Variants in VPS36 observed in about 807,000 individuals in gnomAD.
The protein encoded by VPS36 is vacuolar protein-sorting-associated protein 36.
Under a neutral mutation model 63.5 loss-of-function variants are expected in VPS36, and 31 were observed. The observed-to-expected ratio is 0.49, with a 90% CI of 0.37 to 0.66. VPS36 has a LOEUF of 0.66. VPS36 is among the 30% of genes least tolerant of loss of function. The probability of loss-of-function intolerance (pLI) is 0.00; values close to 1 mark genes in which losing one functional copy is unlikely to be tolerated. For synonymous variants in VPS36, 138 were observed against 157.2 expected (o/e 0.88, Z 0.91); for missense variants, 338 against 463.7 (o/e 0.73, Z 2.49).
chr13:52,430,775 C>T (rs1958146697), intron 6 of VPS36, among the ~76,000 whole-genome samples: 1 of 151,894 alleles, frequency 6.6e-6, no homozygotes, highest in Non-Finnish European at 1.5e-5. Flanking sequence ...AGTAAAATTA[C>T]TGGGCTTTAA....
intron 8 of VPS36, among the ~76,000 whole-genome samples, chr13:52,426,377 G>A (rs1286666256): frequency 6.6e-6 from 1 of 152,186 alleles, no homozygotes; most frequent in East Asian, 1.9e-4. Flanking sequence ...GAAAATGGCT[G>A]TGATTAGACT....
At chr13:52,421,401 G>T (rs1958044511) in intron 10 of VPS36, among the ~76,000 whole-genome samples, 1 of 151,892 alleles carries the variant, frequency 6.6e-6, no homozygotes, top group African/African-American at 2.4e-5. Flanking sequence ...GAGAGAGGTT[G>T]GTCAGCAGAT....
In VPS36 at chr13:52,450,544, C is replaced by G. The variant is rs1389094185; in HGVS notation, c.51G>C (p.Leu17=). 1.9e-6 allele frequency: 3 copies of G among 1,596,028 alleles called. No individual in the cohort carries two copies. The highest frequency in any genetic ancestry group is 2.6e-6 in the Non-Finnish European group (3 of 1,171,508). The change falls in exon 1 of 14, where the codon CTG becomes CTC. Residue 17 remains leucine, a synonymous_variant. Transcript: ENST00000378060. ...TSGLLEINET[L]VIQQRGVRIY... ...TTCGCACCCCGCGCTGCTGGATCACCAGGGTCTCGTTGATCTCCAGGAGGC... is the reference window on the plus strand; with the variant it reads ...TTCGCACCCCGCGCTGCTGGATCACGAGGGTCTCGTTGATCTCCAGGAGGC...
intron 10 of VPS36, among the ~76,000 whole-genome samples, chr13:52,423,215 C>T (rs921467854): frequency 1.3e-5 from 2 of 152,112 alleles, no homozygotes; most frequent in Non-Finnish European, 2.9e-5. Context: ...GATCATTATG[C>T]AGTGTTTACA....
intron 2 of VPS36, among the ~76,000 whole-genome samples, chr13:52,439,539 G>A (rs1958253064): frequency 6.6e-6 from 1 of 151,896 alleles, no homozygotes; most frequent in Non-Finnish European, 1.5e-5. Context: ...TCTGCCTCCT[G>A]GGTTAACACC....
chr13:52,425,855 T>C, intron 9 of VPS36, 77 bp downstream of exon 9: 6 of 1,425,182 alleles, frequency 4.2e-6, no homozygotes, highest in Non-Finnish European at 5.6e-6. Context: ...AAAATAGTTA[T>C]GCTCTTGTTA....
chr13:52,449,779 C>A (rs1368987675), intron 1 of VPS36, among the ~76,000 whole-genome samples: 1 of 152,226 alleles, frequency 6.6e-6, no homozygotes, highest in African/African-American at 2.4e-5. Flanking sequence ...TGCAAACGCA[C>A]CTTCTAAGAT....
chr13:52,450,076 G>A (rs1958385696), intron 1 of VPS36: 1 of 988,596 alleles, frequency 1.0e-6, no homozygotes, highest in African/African-American at 1.7e-5. Flanking sequence ...GGCGAAACGG[G>A]GCTGTCCGGT....
intron 9 of VPS36, among the ~76,000 whole-genome samples, chr13:52,425,088 A>G (rs1381893657): frequency 1.3e-5 from 2 of 151,534 alleles, no homozygotes; most frequent in East Asian, 3.9e-4. Flanking sequence ...CTCTACTAAA[A>G]ATACAAAAAA....
chr13:52,429,438 C>A, intron 6 of VPS36: 1 of 269,162 alleles, frequency 3.7e-6, no homozygotes, highest in Non-Finnish European at 5.7e-6. Context: ...GTGACCTCAA[C>A]AGAAGTTAGG....
chr13:52,448,689 T>C (rs1272310281), intron 1 of VPS36, among the ~76,000 whole-genome samples: 2 of 152,262 alleles, frequency 1.3e-5, no homozygotes, highest in African/African-American at 4.8e-5. Flanking sequence ...AAACTACTAA[T>C]GGTTGTTATT....
In VPS36 at chr13:52,414,281, A is replaced by G. The variant is rs1029741943; in HGVS notation, c.*1549T>C. On this transcript the variant is annotated 3_prime_UTR_variant, in exon 14 of 14. Transcript: ENST00000378060. ...TACAAACAAGCTTACACAATGGTCC[A>G]ACTAACCCCTAAAAGACTTGGGCAG... 2 of 152,254 alleles carry G rather than the reference A, an allele frequency of 1.3e-5. No homozygotes were observed. Among genetic ancestry groups the G allele is most frequent in the African/African-American group, 4.8e-5 (2 of 41,450 alleles). The allele number at this position is 152,254 out of a possible 1,614,324, so 9.4% of individuals were successfully genotyped here.
chr13:52,421,328 T>C (rs1958043595), intron 10 of VPS36, among the ~76,000 whole-genome samples: 1 of 151,854 alleles, frequency 6.6e-6, no homozygotes, highest in African/African-American at 2.4e-5. Context: ...GTTGATCTCA[T>C]AGAAGTAGAG....
At chr13:52,439,887 T>G (rs548109410) in intron 2 of VPS36, among the ~76,000 whole-genome samples, 1 of 152,258 alleles carries the variant, frequency 6.6e-6, no homozygotes, top group Non-Finnish European at 1.5e-5. Context: ...TTCTCTTCTT[T>G]ATAATTTTCC....
At chr13:52,438,404 C>A (rs1164968770) in intron 3 of VPS36, among the ~76,000 whole-genome samples, 1 of 152,146 alleles carries the variant, frequency 6.6e-6, no homozygotes, top group Non-Finnish European at 1.5e-5. Context: ...ATGATCAAGG[C>A]ATGCATTGCA....
At position 52,423,747 on chromosome 13, in the gene VPS36, TAAG is replaced by T. The variant is rs370821789; in HGVS notation, c.775-111_775-109del. ...TGAAATCAGAAATCAGAAAAATTTT[TAAG>T]AAGCTTATAAAAAACTTTATTTATA... On this transcript the variant is annotated intron_variant, in intron 9 of 13. Transcript: ENST00000378060. The T allele has an allele frequency of 1.3e-3, 1,264 of 1,006,510 alleles. 4 individuals carry two copies. Among genetic ancestry groups the T allele is most frequent in the Non-Finnish European group, 1.6e-3 (1,133 of 690,924 alleles). 62.3% of individuals were successfully genotyped at this position (1,006,510 alleles called of 1,614,324 possible). A position where few individuals can be genotyped will look rare whatever the true frequency, so the allele number is the denominator to read the frequency against.
chr13:52,446,117 A>T (rs74962496), intron 1 of VPS36, among the ~76,000 whole-genome samples: 2 of 149,948 alleles, frequency 1.3e-5, no homozygotes, highest in South Asian at 4.2e-4. Flanking sequence ...AAAAAAAAAA[A>T]TTGCCGGGCG....
chr13:52,439,454 A>ATT (rs71088025), intron 2 of VPS36, among the ~76,000 whole-genome samples: 3 of 150,360 alleles, frequency 2.0e-5, no homozygotes, highest in African/African-American at 4.9e-5. Flanking sequence ...TTTTTAATTT[A>ATT]TTTTTTTTTG....
intron 1 of VPS36, 139 bp downstream of exon 1, chr13:52,450,360 C>G: frequency 8.1e-7 from 1 of 1,232,866 alleles, no homozygotes; most frequent in Non-Finnish European, 1.0e-6. Context: ...GCACCCCGCA[C>G]AGAGGCCTGC....
Sources: gnomAD v4.1 joint callset for allele counts (sites outside exome capture counted in the v4.1 genomes callset) on GRCh38, gnomAD v4.1.1 for gene constraint, MANE v1.5 for transcripts, NCBI Gene and HGNC (gene_info 2026-07-23, HGNC 2026-07-21) for gene names.